BMPER: variants seen among roughly 807,000 people sequenced by gnomAD.
BMPER encodes the protein BMP binding endothelial regulator.
Under a neutral mutation model 87.3 loss-of-function variants are expected in BMPER, and 45 were observed. That is an observed-to-expected ratio of 0.52 (90% CI 0.41 to 0.66). The LOEUF (loss-of-function observed/expected upper bound fraction) is 0.66, where lower values mean the gene tolerates loss of function less well. Ranked by LOEUF, BMPER falls within the 30% of genes least tolerant of loss-of-function variation. The pLI, the probability that BMPER is intolerant of heterozygous loss-of-function variation, is 0.00. For missense variants in BMPER, 784 were observed against 867.5 expected (o/e 0.90, Z 1.21); for synonymous variants, 326 against 316.2 (o/e 1.03, Z -0.33).
chr7:34,102,229 G>C (rs151276067), intron 13 of BMPER, among the ~76,000 whole-genome samples: 26 of 152,164 alleles, frequency 1.7e-4, no homozygotes, highest in African/African-American at 5.8e-4. Flanking sequence ...CATGGTTATA[G>C]CTTCGGAGAA....
At chr7:33,955,728 G>A (rs1785132516) in intron 3 of BMPER, among the ~76,000 whole-genome samples, 1 of 152,126 alleles carries the variant, frequency 6.6e-6, no homozygotes, top group Admixed American at 6.6e-5. Flanking sequence ...TCTAAAATTT[G>A]CATAAAAAGG....
At chr7:34,106,772 C>G (rs1301575400) in intron 13 of BMPER, among the ~76,000 whole-genome samples, 2 of 152,224 alleles carry the variant, frequency 1.3e-5, no homozygotes, top group Non-Finnish European at 2.9e-5. Flanking sequence ...CCTTGCCTAC[C>G]TGTTCAAATA....
chr7:33,933,677 T>C (rs1784534086), intron 2 of BMPER, among the ~76,000 whole-genome samples: 1 of 152,196 alleles, frequency 6.6e-6, no homozygotes, highest in Admixed American at 6.5e-5. Flanking sequence ...CTTCCCATGG[T>C]TGGCCATGAC....
chr7:34,061,554 A>T (rs1465639086), intron 10 of BMPER, among the ~76,000 whole-genome samples: 2 of 152,192 alleles, frequency 1.3e-5, no homozygotes, highest in Non-Finnish European at 2.9e-5. Flanking sequence ...CTTGGATTAC[A>T]GTTTATTGTT....
chr7:34,149,037 G>A (rs1476039623), intron 14 of BMPER, among the ~76,000 whole-genome samples: 1 of 152,150 alleles, frequency 6.6e-6, no homozygotes, highest in African/African-American at 2.4e-5. Flanking sequence ...TCCCCATCCA[G>A]GAGGCATGCA....
At chr7:34,045,403 A>G (rs1312556189) in intron 6 of BMPER, among the ~76,000 whole-genome samples, 5 of 152,134 alleles carry the variant, frequency 3.3e-5, no homozygotes, top group Non-Finnish European at 7.4e-5. Context: ...GGTGAGGGAT[A>G]GGAGGGGAAG....
At chr7:34,039,790 AGT>A (rs1346910853) in intron 6 of BMPER, among the ~76,000 whole-genome samples, 1 of 152,108 alleles carries the variant, frequency 6.6e-6, no homozygotes, top group African/African-American at 2.4e-5. Flanking sequence ...TGGGGCAGTA[AGT>A]GCACTGCCCT....
intron 2 of BMPER, among the ~76,000 whole-genome samples, chr7:33,915,108 A>G (rs17170492): frequency 0.018 from 2,751 of 152,308 alleles, 93 homozygotes; most frequent in East Asian, 0.1. Context: ...AAATTTTCCA[A>G]ACTTTGACTT....
intron 12 of BMPER, among the ~76,000 whole-genome samples, chr7:34,084,294 G>A (rs1789140328): frequency 6.6e-6 from 1 of 152,192 alleles, no homozygotes; most frequent in African/African-American, 2.4e-5. Flanking sequence ...GAGCAAGACT[G>A]TCTAAAAAAC....
At chr7:34,065,271 A>T (rs1386869714) in intron 11 of BMPER, among the ~76,000 whole-genome samples, 3 of 114,732 alleles carry the variant, frequency 2.6e-5, no homozygotes, top group African/African-American at 3.6e-5. Flanking sequence ...TCTCCCCATG[A>T]TGTTACTGCG....
chr7:34,055,421 ATGTG>A, intron 9 of BMPER, 118 bp downstream of exon 9: 8 of 1,249,182 alleles, frequency 6.4e-6, no homozygotes, highest in Non-Finnish European at 9.3e-6. Flanking sequence ...ACAAATGTAT[ATGTG>A]TGCATATATT....
intron 6 of BMPER, among the ~76,000 whole-genome samples, chr7:34,004,283 G>A (rs1175322807): frequency 2.0e-5 from 3 of 152,006 alleles, no homozygotes; most frequent in Non-Finnish European, 4.4e-5. Flanking sequence ...TTAATTAGAA[G>A]TGATTGTTAT....
Position 34,036,228 on chromosome 7 carries a change from A to G in BMPER, c.577-10078A>G, listed in dbSNP as rs1787662598. Among the ~76,000 whole-genome samples the G allele has an allele frequency of 7.9e-5, 12 of 152,334 alleles. No individual in the cohort carries two copies. In the South Asian group the frequency reaches 2.5e-3, roughly 32 times the overall value. On this transcript the variant is annotated intron_variant, in intron 6 of 14. Coordinates refer to ENST00000649409, the MANE Select transcript of BMPER (RefSeq NM_001365308.1). ...AACAGCTTTGACTACTTCCGTGATGATGAAAGTTTGAACTTTGATAAAAAT... is the reference window on the plus strand; with the variant it reads ...AACAGCTTTGACTACTTCCGTGATGGTGAAAGTTTGAACTTTGATAAAAAT...
At chr7:33,961,803 A>G (rs1785279363) in intron 3 of BMPER, among the ~76,000 whole-genome samples, 1 of 152,142 alleles carries the variant, frequency 6.6e-6, no homozygotes, top group African/African-American at 2.4e-5. Context: ...TGCATTCAGA[A>G]GCTTGTGAGT....
chr7:34,066,887 A>G (rs1284990258), intron 11 of BMPER, among the ~76,000 whole-genome samples: 3 of 152,146 alleles, frequency 2.0e-5, no homozygotes, highest in Non-Finnish European at 4.4e-5. Context: ...CAGATTGAGT[A>G]TATGAGAAAA....
At chr7:33,928,210 A>C (rs1562635402) in intron 2 of BMPER, among the ~76,000 whole-genome samples, 1 of 151,642 alleles carries the variant, frequency 6.6e-6, no homozygotes, top group African/African-American at 2.4e-5. Flanking sequence ...GCCACCATGA[A>C]CCCTCTCGGT....
At chr7:33,921,823 T>C in intron 2 of BMPER, 1 of 470,950 alleles carries the variant, frequency 2.1e-6, no homozygotes. Flanking sequence ...CCCAGGGTTT[T>C]ATGACTGACC....
chr7:34,086,171 C>T, intron 13 of BMPER, 79 bp downstream of exon 13: 2 of 1,495,698 alleles, frequency 1.3e-6, no homozygotes, highest in Non-Finnish European at 1.8e-6. Flanking sequence ...TGTATGAAAT[C>T]TCTTGTTGTG....
chr7:33,953,327 T>A (rs1785071445), intron 3 of BMPER, among the ~76,000 whole-genome samples: 2 of 152,220 alleles, frequency 1.3e-5, no homozygotes, highest in South Asian at 4.1e-4. Flanking sequence ...TGTATAATAG[T>A]CATAAAGACC....
Sources: gnomAD v4.1 joint callset for allele counts (sites outside exome capture counted in the v4.1 genomes callset) on GRCh38, gnomAD v4.1.1 for gene constraint, MANE v1.5 for transcripts, NCBI Gene and HGNC (gene_info 2026-07-23, HGNC 2026-07-21) for gene names.